The following SNRNP200 variants were observed in gnomAD, a reference collection of about 807,000 sequenced individuals.
The protein encoded by SNRNP200 is U5 small nuclear ribonucleoprotein 200 kDa helicase.
SNRNP200 carries 66 observed loss-of-function variants against 255.2 expected under a neutral mutation model. That is an observed-to-expected ratio of 0.26 (90% CI 0.21 to 0.32). The LOEUF (loss-of-function observed/expected upper bound fraction) is 0.32, where lower values mean the gene tolerates loss of function less well. Ranked by LOEUF, SNRNP200 falls within the 10% of genes least tolerant of loss-of-function variation. The pLI, the probability that SNRNP200 is intolerant of heterozygous loss-of-function variation, is 1.00. For missense variants in SNRNP200, 1,585 were observed against 2,749.8 expected (o/e 0.58, Z 9.47); for synonymous variants, 939 against 1,027.8 (o/e 0.91, Z 1.65).
chr2:96,305,326 C>A (rs1286199651), intron 1 of SNRNP200, 67 bp downstream of exon 1: 1 of 1,598,428 alleles, frequency 6.3e-7, no homozygotes, highest in Non-Finnish European at 8.6e-7. Flanking sequence ...ACTGAAACTC[C>A]CTTTTTCAGC....
chr2:96,279,822 A>C (rs1684729376), intron 35 of SNRNP200: 1 of 429,880 alleles, frequency 2.3e-6, no homozygotes, highest in African/African-American at 2.0e-5. Flanking sequence ...CTAATGCCAA[A>C]ACCAAAATAA....
At position 96,288,796 on chromosome 2, in the gene SNRNP200, AAGAAAGGGAATTAC is replaced by A. The variant is rs773282383; in HGVS notation, c.3175-64_3175-51del. On this transcript the variant is annotated intron_variant, in intron 23 of 44. Transcript: ENST00000323853. ...CAGGAGACCAATCACTGAACAGTCC[AAGAAAGGGAATTAC>A]ATTTCTGCTCTGAGCATCCAGGCCA... 7 of 1,491,992 alleles carry A rather than the reference AAGAAAGGGAATTAC, an allele frequency of 4.7e-6. No homozygotes were observed. In the East Asian group the frequency reaches 1.4e-4, roughly 29 times the overall value. 92.4% of individuals were successfully genotyped at this position (1,491,992 alleles called of 1,614,324 possible). A position where few individuals can be genotyped will look rare whatever the true frequency, so the allele number is the denominator to read the frequency against.
chr2:96,292,241 G>C (rs142182097), intron 16 of SNRNP200, among the ~76,000 whole-genome samples: 3 of 152,194 alleles, frequency 2.0e-5, no homozygotes, highest in Non-Finnish European at 4.4e-5. Context: ...ATGAAAATGT[G>C]TCTGCAAAAT....
chr2:96,299,290 G>T, intron 6 of SNRNP200, 39 bp downstream of exon 6: 1 of 1,577,142 alleles, frequency 6.3e-7, no homozygotes, highest in Non-Finnish European at 8.7e-7. Flanking sequence ...ACACCCAGAA[G>T]TAACCTTGTA....
Position 96,277,630 on chromosome 2 carries a change from T to A in SNRNP200, c.5840A>T (p.Gln1947Leu). 1 of 1,614,152 alleles carries A rather than the reference T, an allele frequency of 6.2e-7. No individual in the cohort carries two copies. Among genetic ancestry groups the A allele is most frequent in the Non-Finnish European group, 8.5e-7 (1 of 1,180,030 alleles). The change falls in exon 41 of 45, where the codon CAG becomes CTG. Residue 1947 changes from glutamine (Q) to leucine (L), a missense_variant. By Grantham distance (113) the Gln-to-Leu change is moderately radical (BLOSUM62 -2). Around this residue, in one of 9 missense-constraint regions of SNRNP200, gnomAD observed 279 missense variants for 551.2 expected, o/e 0.51. Coordinates refer to ENST00000323853, the MANE Select transcript of SNRNP200 (RefSeq NM_014014.5). The surrounding 1 kb of genome is among the most constrained non-coding windows in gnomAD (Gnocchi z 4.4). The stretch of plus-strand genomic sequence containing the variant: ...GGACCACATGGCTTGGGTGACCATC[T>A]GGGCCAGTTCCATAGCTGCCAGAGC... ...SPALAAMELA[Q>L]MVTQAMWSKD...
At chr2:96,300,569 T>C (rs1406727874) in intron 5 of SNRNP200, among the ~76,000 whole-genome samples, 1 of 152,062 alleles carries the variant, frequency 6.6e-6, no homozygotes, top group Admixed American at 6.6e-5. Flanking sequence ...CAAGACCACC[T>C]TGGCTAACAC....
chr2:96,302,454 T>C (rs1261738839), intron 3 of SNRNP200, among the ~76,000 whole-genome samples: 1 of 152,164 alleles, frequency 6.6e-6, no homozygotes, highest in Admixed American at 6.5e-5. Context: ...AGCAAACTTG[T>C]TTTTTTCTAT....
chr2:96,292,992 C>G lies in SNRNP200; in HGVS notation c.2140G>C (p.Glu714Gln), dbSNP rs778359015. Reference protein sequence around the residue: ...MNEIVYEKIMEHAGKNQVLVF... With the variant: ...MNEIVYEKIMQHAGKNQVLVF... ...CAAACCTGATTTTTTCCAGCATGTT[C>G]CATGATTTTTTCATAGACGATTTCA... Residue 714 changes from glutamate to glutamine, a missense_variant, in exon 16 of 45, where the codon GAA becomes CAA. By Grantham distance (29) the Glu-to-Gln change is conservative (BLOSUM62 2). Coordinates refer to ENST00000323853, the MANE Select transcript of SNRNP200 (RefSeq NM_014014.5). The G allele has an allele frequency of 1.7e-5, 27 of 1,613,954 alleles. No individual in the cohort carries two copies. The highest frequency in any genetic ancestry group is 8.5e-7 in the Non-Finnish European group (1 of 1,180,016).
chr2:96,293,215 CA>C, intron 15 of SNRNP200, 100 bp downstream of exon 15: 1 of 1,572,434 alleles, frequency 6.4e-7, no homozygotes, highest in Non-Finnish European at 8.7e-7. Flanking sequence ...CATCAAAACC[CA>C]AAGGCCCTTC....
At chr2:96,281,607 C>G (rs916871479) in intron 35 of SNRNP200, 3 of 569,028 alleles carry the variant, frequency 5.3e-6, no homozygotes, top group Admixed American at 2.5e-5. Flanking sequence ...CTCCCAGCTG[C>G]TGAATAAGGA....
intron 24 of SNRNP200, 97 bp downstream of exon 24, chr2:96,288,566 A>C: frequency 9.4e-7 from 1 of 1,064,232 alleles, no homozygotes; most frequent in East Asian, 2.4e-5. Flanking sequence ...CTCCCATCTC[A>C]CTAGGGTCGG....
At position 96,293,075 on chromosome 2, in the gene SNRNP200, T is replaced by G; in HGVS notation, c.2057A>C (p.Glu686Ala). 2.5e-6 allele frequency: 4 copies of G among 1,614,208 alleles called. No individual in the cohort carries two copies. Among genetic ancestry groups the G allele is most frequent in the Non-Finnish European group, 3.4e-6 (4 of 1,180,022 alleles). ...FDNSFRPVPL[E>A]QTYVGITEKK... Reference sequence around the variant, plus strand: ...CTCTGTGATACCCACATATGTCTGTTCCAGAGGCACTGGACGGAAGCTAGA... The same window carrying G: ...CTCTGTGATACCCACATATGTCTGTGCCAGAGGCACTGGACGGAAGCTAGA... Residue 686 changes from glutamate to alanine, a missense_variant, in exon 16 of 45, where the codon GAA becomes GCA. Coordinates refer to ENST00000323853, the MANE Select transcript of SNRNP200 (RefSeq NM_014014.5).
chr2:96,289,164 G>A (rs372413681), intron 22 of SNRNP200, 47 bp from the exon 23 acceptor site: 1 of 1,613,562 alleles, frequency 6.2e-7, no homozygotes, highest in Admixed American at 1.7e-5. Context: ...TGGCCGAGGA[G>A]GGACACCATT....
At position 96,287,999 on chromosome 2, in the gene SNRNP200, A is replaced by G. The variant is rs755046410; in HGVS notation, c.3259-30T>C. On this transcript the variant is annotated intron_variant, in intron 24 of 44. Transcript: ENST00000323853. The surrounding 1 kb of genome is among the most constrained non-coding windows in gnomAD (Gnocchi z 5.7). ...GCAAAGAAGCAGCATTCCCACTGTT[A>G]AGTCTCGACTATCCCCAGGCCTCAT... 12 of 1,599,310 alleles carry G rather than the reference A, an allele frequency of 7.5e-6. No homozygotes were observed. Among genetic ancestry groups the G allele is most frequent in the South Asian group, 4.4e-5 (4 of 90,788 alleles).
In SNRNP200 at chr2:96,303,727, T is replaced by C. The variant is rs150889384; in HGVS notation, c.210-397A>G. 7.4e-3 allele frequency among the ~76,000 whole-genome samples: 1,128 copies of C among 152,104 alleles called. 16 individuals carry two copies. The highest frequency in any genetic ancestry group is 0.026 in the African/African-American group (1,081 of 41,494). Reference sequence around the variant, plus strand: ...CAACATGGAGAAACCCTGTATCTACTAAATATACAAAAATTAGCCGGGCAC... The same window carrying C: ...CAACATGGAGAAACCCTGTATCTACCAAATATACAAAAATTAGCCGGGCAC... On this transcript the variant is annotated intron_variant, in intron 2 of 44. Transcript: ENST00000323853.
At chr2:96,299,472 G>C in intron 5 of SNRNP200, 45 bp from the exon 6 acceptor site, 2 of 1,481,912 alleles carry the variant, frequency 1.3e-6, no homozygotes, top group Admixed American at 1.7e-5. Flanking sequence ...AGCTGATCCT[G>C]CATCACCACA....
rs148245890 is a variant in SNRNP200 at position 96,276,803 on chromosome 2, C to T, written c.6174+101G>A. The stretch of plus-strand genomic sequence containing the variant: ...TCACCCTTGTGAGCTGATTATCAGT[C>T]TAAAGTTTCCCTCCCTCAGGGACAG... On this transcript the variant is annotated intron_variant, in intron 43 of 44. Coordinates refer to ENST00000323853, the MANE Select transcript of SNRNP200 (RefSeq NM_014014.5). 448 of 1,069,322 alleles carry T rather than the reference C, an allele frequency of 4.2e-4. 2 individuals carry two copies. The African/African-American group carries it at 6.2e-3, about 15-fold the overall frequency. 66.2% of individuals were successfully genotyped at this position (1,069,322 alleles called of 1,614,324 possible).
At chr2:96,304,482 G>A (rs2063974596) in intron 2 of SNRNP200, among the ~76,000 whole-genome samples, 1 of 152,202 alleles carries the variant, frequency 6.6e-6, no homozygotes. Context: ...CTATGGACCA[G>A]AAACACACAT....
rs768826987 is a variant in SNRNP200, at chr2:96,287,601, T to C, written c.3366-44A>G. 4.9e-6 allele frequency: 7 copies of C among 1,414,464 alleles called. No individual in the cohort carries two copies. The highest frequency in any genetic ancestry group is 1.1e-5 in the South Asian group (1 of 87,156). The allele number at this position is 1,414,464 out of a possible 1,614,324, so 87.6% of individuals were successfully genotyped here. A position where few individuals can be genotyped will look rare whatever the true frequency, so the allele number is the denominator to read the frequency against. ...AAGCTGTTGGTCCCTTCTGCAGGGATGTGACAAACCACCCACTTCATGGCT... is the reference window on the plus strand; with the variant it reads ...AAGCTGTTGGTCCCTTCTGCAGGGACGTGACAAACCACCCACTTCATGGCT... On this transcript the variant is annotated intron_variant, in intron 25 of 44. Transcript: ENST00000323853. This position sits in a 1 kb window ranked among gnomAD's most constrained non-coding sequence, Gnocchi z 5.7.
Sources: gnomAD v4.1 joint callset for allele counts (sites outside exome capture counted in the v4.1 genomes callset) on GRCh38, gnomAD v4.1.1 for gene constraint, gnomAD v4.1.1 regional missense constraint, Gnocchi (gnomAD v3.1) non-coding constraint, MANE v1.5 for transcripts, NCBI Gene and HGNC (gene_info 2026-07-23, HGNC 2026-07-21) for gene names.